The following PRKN variants were observed in gnomAD, a reference collection of about 807,000 sequenced individuals.
PRKN encodes the protein parkin RBR E3 ubiquitin protein ligase.
PRKN carries 56 observed loss-of-function variants against 59.5 expected under a neutral mutation model. The ratio of observed to expected loss-of-function variants is 0.94; its 90% CI spans 0.76 to 1.18. The LOEUF (loss-of-function observed/expected upper bound fraction) is 1.18. PRKN is among the 50% of genes most tolerant of loss of function. The pLI is 0.00. For synonymous variants in PRKN, 250 were observed against 222.1 expected, an observed-to-expected ratio of 1.13 and a Z score of -1.12; for missense variants, 657 against 596.4, an observed-to-expected ratio of 1.10 and a Z score of -1.06.
intron 4 of PRKN, among the ~76,000 whole-genome samples, chr6:162,061,531 T>C (rs147845089): frequency 2.0e-5 from 3 of 152,186 alleles, no homozygotes; most frequent in Non-Finnish European, 4.4e-5. Context: ...TTCTACAGCA[T>C]GCTGTTTATA....
chr6:162,451,842 T>C (rs1328751342), intron 1 of PRKN, among the ~76,000 whole-genome samples: 1 of 152,144 alleles, frequency 6.6e-6, no homozygotes, highest in Non-Finnish European at 1.5e-5. Flanking sequence ...CCCTCAAATT[T>C]TAATATGTGA....
At position 161,361,885 on chromosome 6, in the gene PRKN, G is replaced by C. The variant is rs1040347366; in HGVS notation, c.1168-1680C>G. Among the ~76,000 whole-genome samples the C allele has an allele frequency of 7.9e-5, 12 of 152,112 alleles. No homozygotes were observed. Among genetic ancestry groups the C allele is most frequent in the African/African-American group, 2.9e-4 (12 of 41,402 alleles). On this transcript the variant is annotated intron_variant, in intron 10 of 11. Transcript: ENST00000366898. The surrounding 1 kb of genome is among the most constrained non-coding windows in gnomAD (Gnocchi z 5.2). ...GGGCCATTTCACAACTTGGTAACTA[G>C]GTATGCATCTTCATGGCACGCCTTC...
chr6:161,993,433 A>C (rs920630393), intron 5 of PRKN, among the ~76,000 whole-genome samples: 2 of 152,174 alleles, frequency 1.3e-5, no homozygotes, highest in African/African-American at 4.8e-5. Flanking sequence ...CATAATGAGT[A>C]GTGAGATTAA....
At chr6:161,431,308 T>C (rs1256503685) in intron 9 of PRKN, among the ~76,000 whole-genome samples, 2 of 152,106 alleles carry the variant, frequency 1.3e-5, no homozygotes, top group Non-Finnish European at 1.5e-5. Context: ...AATTAAATAG[T>C]CTTTCAAACA....
At chr6:162,109,440 A>T (rs1171437867) in intron 4 of PRKN, among the ~76,000 whole-genome samples, 1 of 152,248 alleles carries the variant, frequency 6.6e-6, no homozygotes, top group Non-Finnish European at 1.5e-5. Context: ...TTATACAAGT[A>T]ATAATGAGTG....
chr6:162,542,482 A>G (rs1029752515), intron 1 of PRKN, among the ~76,000 whole-genome samples: 3 of 152,198 alleles, frequency 2.0e-5, no homozygotes, highest in Non-Finnish European at 2.9e-5. Flanking sequence ...ACTTGCCATA[A>G]ATGTTTTACA....
intron 4 of PRKN, among the ~76,000 whole-genome samples, chr6:162,104,792 T>C (rs1780120348): frequency 6.6e-6 from 1 of 152,024 alleles, no homozygotes; most frequent in Non-Finnish European, 1.5e-5. Flanking sequence ...GACAAAAATA[T>C]ACAAAGAAAG....
chr6:161,661,314 C>T (rs1287151820), intron 7 of PRKN, among the ~76,000 whole-genome samples: 1 of 152,180 alleles, frequency 6.6e-6, no homozygotes, highest in African/African-American at 2.4e-5. Flanking sequence ...ACTCACTGGG[C>T]CCTGGCAGGT....
At chr6:162,492,138 A>T (rs1475378263) in intron 1 of PRKN, among the ~76,000 whole-genome samples, 3 of 152,206 alleles carry the variant, frequency 2.0e-5, no homozygotes, top group African/African-American at 7.2e-5. Context: ...GGAAGCTTCC[A>T]CTAGTCTCTT....
chr6:162,515,104 T>A (rs1447924212), intron 1 of PRKN, among the ~76,000 whole-genome samples: 3 of 149,002 alleles, frequency 2.0e-5, no homozygotes, highest in African/African-American at 7.4e-5. Context: ...TTTTTTGAGA[T>A]GGAGTTTCAC....
intron 7 of PRKN, among the ~76,000 whole-genome samples, chr6:161,690,936 T>C (rs542477960): frequency 6.6e-6 from 1 of 152,178 alleles, no homozygotes; most frequent in Non-Finnish European, 1.5e-5. Flanking sequence ...AATCTATCTA[T>C]CTGTGTATCG....
intron 7 of PRKN, among the ~76,000 whole-genome samples, chr6:161,586,980 G>C (rs1781544675): frequency 6.6e-6 from 1 of 152,152 alleles, no homozygotes; most frequent in African/African-American, 2.4e-5. Flanking sequence ...AAATTTATAG[G>C]TGGGGTCAAT....
intron 9 of PRKN, among the ~76,000 whole-genome samples, chr6:161,486,833 G>T (rs536804102): frequency 2.0e-5 from 3 of 152,256 alleles, no homozygotes; most frequent in Admixed American, 1.3e-4. Context: ...AGAATGAATT[G>T]TGCATTCCAA....
At chr6:162,342,542 A>G (rs932988889) in intron 2 of PRKN, among the ~76,000 whole-genome samples, 2 of 152,148 alleles carry the variant, frequency 1.3e-5, no homozygotes, top group African/African-American at 4.8e-5. Context: ...CAAAGTTTAC[A>G]TAGTAAGTAA....
Position 161,372,497 on chromosome 6 carries a change from C to CT in PRKN, c.1168-12293dup, listed in dbSNP as rs1189905336. 1.3e-5 allele frequency among the ~76,000 whole-genome samples: 2 copies of CT among 152,180 alleles called. No individual in the cohort carries two copies. The highest frequency in any genetic ancestry group is 4.8e-5 in the African/African-American group (2 of 41,434). On this transcript the variant is annotated intron_variant, in intron 10 of 11. Transcript: ENST00000366898. This position sits in a 1 kb window ranked among gnomAD's most constrained non-coding sequence, Gnocchi z 4.2. ...CATTCAAGAAACATGTGTTGGGTGT[C>CT]TAAGATGTGCCAGGCACTGTCCTGG...
chr6:161,733,100 T>A (rs925727331), intron 7 of PRKN, among the ~76,000 whole-genome samples: 2 of 152,224 alleles, frequency 1.3e-5, no homozygotes, highest in African/African-American at 4.8e-5. Flanking sequence ...TTCATGCTAC[T>A]GGGTATATGA....
At position 162,608,315 on chromosome 6, in the gene PRKN, G is replaced by C. The variant is rs565573072; in HGVS notation, c.7+119347C>G. Among the ~76,000 whole-genome samples, 11 of 152,316 alleles carry C rather than the reference G, an allele frequency of 7.2e-5. 2 individuals carry two copies. The highest frequency in any genetic ancestry group is 2.6e-4 in the African/African-American group (11 of 41,580). Reference sequence around the variant, plus strand: ...GGGTTGAAAGCGTAAGCTGGAGTATGTTCACTGGAACAGGTGAATATACCG... The same window carrying C: ...GGGTTGAAAGCGTAAGCTGGAGTATCTTCACTGGAACAGGTGAATATACCG... On this transcript the variant is annotated intron_variant, in intron 1 of 11. Transcript: ENST00000366898.
intron 6 of PRKN, among the ~76,000 whole-genome samples, chr6:161,835,139 T>A (rs60572908): frequency 0.021 from 3,212 of 152,300 alleles, 116 homozygotes; most frequent in African/African-American, 0.073. Flanking sequence ...CTTTAAAATC[T>A]GAAATACGAC....
At chr6:162,645,756 A>G (rs1192657638) in intron 1 of PRKN, among the ~76,000 whole-genome samples, 1 of 151,936 alleles carries the variant, frequency 6.6e-6, no homozygotes, top group East Asian at 1.9e-4. Context: ...CCTTGCTTCT[A>G]TTCACGTACT....
Sources: gnomAD v4.1 joint callset for allele counts (sites outside exome capture counted in the v4.1 genomes callset) on GRCh38, gnomAD v4.1.1 for gene constraint, Gnocchi (gnomAD v3.1) non-coding constraint, MANE v1.5 for transcripts, NCBI Gene and HGNC (gene_info 2026-07-23, HGNC 2026-07-21) for gene names.